Variants in NBEA observed in about 807,000 individuals in gnomAD.
NBEA encodes the protein neurobeachin.
NBEA carries 44 observed loss-of-function variants against 343.4 expected under a neutral mutation model. That is an observed-to-expected ratio of 0.13 (90% CI 0.10 to 0.16). The LOEUF (loss-of-function observed/expected upper bound fraction) is 0.16. Ranked by LOEUF, NBEA falls within the 10% of genes least tolerant of loss-of-function variation. The pLI, the probability that NBEA is intolerant of heterozygous loss-of-function variation, is 1.00. For missense variants in NBEA, 2,555 were observed against 3,631.3 expected, an observed-to-expected ratio of 0.70 and a Z score of 7.62; for synonymous variants, 1,175 against 1,238.7, an observed-to-expected ratio of 0.95 and a Z score of 1.08.
chr13:34,966,151 T>C (rs1224789663), intron 1 of NBEA, among the ~76,000 whole-genome samples: 3 of 152,046 alleles, frequency 2.0e-5, no homozygotes, highest in Non-Finnish European at 2.9e-5. Context: ...AAATGAAGTT[T>C]GGTGGAATTT....
intron 49 of NBEA, among the ~76,000 whole-genome samples, chr13:35,642,831 G>GTGT (rs760687372): frequency 3.9e-4 from 60 of 151,950 alleles, no homozygotes; most frequent in Non-Finnish European, 6.0e-4. Flanking sequence ...GGATGCCAGT[G>GTGT]TGTGACTTTG....
intron 36 of NBEA, among the ~76,000 whole-genome samples, chr13:35,317,030 A>T (rs2037785436): frequency 6.6e-6 from 1 of 152,018 alleles, no homozygotes; most frequent in Non-Finnish European, 1.5e-5. Flanking sequence ...AGATGGATAG[A>T]TTGCAAAAAT....
At chr13:35,056,549 G>A (rs2152566364) in intron 7 of NBEA, among the ~76,000 whole-genome samples, 1 of 152,186 alleles carries the variant, frequency 6.6e-6, no homozygotes, top group Admixed American at 6.5e-5. Flanking sequence ...TGTAGGGAAG[G>A]GAGAAGCAAG....
intron 38 of NBEA, among the ~76,000 whole-genome samples, chr13:35,413,881 G>A (rs2043738212): frequency 6.6e-6 from 1 of 152,068 alleles, no homozygotes. Flanking sequence ...TGAAAAGAAA[G>A]CATATGATAC....
At chr13:34,999,238 T>C (rs962544120) in intron 1 of NBEA, among the ~76,000 whole-genome samples, 1 of 152,210 alleles carries the variant, frequency 6.6e-6, no homozygotes, top group African/African-American at 2.4e-5. Flanking sequence ...ATGGGGAATA[T>C]ATGTGTGGAG....
chr13:35,668,957 C>A lies in NBEA; in HGVS notation c.8813+438C>A, dbSNP rs79843828. On this transcript the variant is annotated intron_variant, in intron 58 of 58. Coordinates refer to ENST00000379939, the MANE Select transcript of NBEA (RefSeq NM_001385012.1). ...CATAGTGTGGGCCGTAGCTGGCCCC[C>A]CTTTCAACAGCATGCGGCACTCACG... Among the ~76,000 whole-genome samples the A allele has an allele frequency of 6.6e-3, 1,006 of 152,316 alleles. 9 individuals are homozygous for A. The highest frequency in any genetic ancestry group is 0.023 in the African/African-American group (965 of 41,566).
At chr13:34,991,105 A>G (rs534374743) in intron 1 of NBEA, among the ~76,000 whole-genome samples, 5 of 152,306 alleles carry the variant, frequency 3.3e-5, no homozygotes, top group South Asian at 2.1e-4. Context: ...CAACAGTTTA[A>G]CAAGTCTTTA....
At chr13:35,551,113 T>G in intron 43 of NBEA, 81 bp downstream of exon 43, 131 of 775,480 alleles carry the variant, frequency 1.7e-4, no homozygotes, top group Non-Finnish European at 2.4e-4. Flanking sequence ...AATGTGGTTA[T>G]AACATTATAA....
At chr13:35,088,929 A>C (rs2064918501) in intron 10 of NBEA, among the ~76,000 whole-genome samples, 1 of 141,480 alleles carries the variant, frequency 7.1e-6, no homozygotes, top group African/African-American at 2.6e-5. Context: ...TAAAGACTTA[A>C]ATGTTAGACC....
At chr13:35,583,190 T>G (rs2081135123) in intron 45 of NBEA, among the ~76,000 whole-genome samples, 4 of 152,152 alleles carry the variant, frequency 2.6e-5, no homozygotes. Flanking sequence ...TGCTAAAATT[T>G]TGAGACTGTG....
chr13:35,292,005 C>T (rs910969403), intron 35 of NBEA, among the ~76,000 whole-genome samples: 11 of 151,908 alleles, frequency 7.2e-5, no homozygotes, highest in African/African-American at 2.7e-4. Flanking sequence ...ATTAAATGCA[C>T]CTCATTTAAG....
chr13:35,220,421 T>C (rs1485437349), intron 33 of NBEA, among the ~76,000 whole-genome samples: 2 of 152,218 alleles, frequency 1.3e-5, no homozygotes, highest in African/African-American at 2.4e-5. Context: ...TTTTAGTTCC[T>C]ATTTCTCTAA....
chr13:34,947,983 C>T (rs1007174498), intron 1 of NBEA, among the ~76,000 whole-genome samples: 4 of 152,188 alleles, frequency 2.6e-5, no homozygotes, highest in African/African-American at 9.7e-5. Flanking sequence ...CTGGTAAAAA[C>T]TTTTCAGTAA....
intron 1 of NBEA, among the ~76,000 whole-genome samples, chr13:35,002,184 A>G (rs2061163476): frequency 1.3e-5 from 2 of 152,192 alleles, no homozygotes; most frequent in Admixed American, 1.3e-4. Flanking sequence ...TGCAGTTGGT[A>G]GGGAGCTAAC....
intron 45 of NBEA, among the ~76,000 whole-genome samples, chr13:35,571,478 G>GT (rs36101122): frequency 0.074 from 11,194 of 152,210 alleles, 424 homozygotes; most frequent in South Asian, 0.1. Flanking sequence ...CTCTGAACTT[G>GT]TTTTCTCATC....
At chr13:35,506,429 G>GA (rs202203800) in intron 41 of NBEA, among the ~76,000 whole-genome samples, 8 of 152,236 alleles carry the variant, frequency 5.3e-5, no homozygotes, top group Admixed American at 1.3e-4. Context: ...TAAATACTTA[G>GA]AATTTTTTTT....
chr13:35,245,180 G>A (rs970438297), intron 34 of NBEA, among the ~76,000 whole-genome samples: 1 of 152,042 alleles, frequency 6.6e-6, no homozygotes, highest in African/African-American at 2.4e-5. Context: ...TTAATTTTAT[G>A]TGAATCCTTA....
intron 45 of NBEA, among the ~76,000 whole-genome samples, chr13:35,579,491 T>A (rs1353561298): frequency 6.6e-6 from 1 of 151,938 alleles, no homozygotes; most frequent in Non-Finnish European, 1.5e-5. Context: ...TATTGGTAAA[T>A]CAAGGCTAAG....
At chr13:35,483,124 G>A (rs1201462961) in intron 41 of NBEA, among the ~76,000 whole-genome samples, 5 of 151,858 alleles carry the variant, frequency 3.3e-5, no homozygotes, top group African/African-American at 1.2e-4. Context: ...TTTATTTTAT[G>A]TAAAGTTTAA....
Sources: gnomAD v4.1 joint callset for allele counts (sites outside exome capture counted in the v4.1 genomes callset) on GRCh38, gnomAD v4.1.1 for gene constraint, MANE v1.5 for transcripts, NCBI Gene and HGNC (gene_info 2026-07-23, HGNC 2026-07-21) for gene names.